MRPS5: variants seen among roughly 807,000 people sequenced by gnomAD.
MRPS5 encodes the protein small ribosomal subunit protein uS5m.
MRPS5 carries 27 observed loss-of-function variants against 51.9 expected under a neutral mutation model. The observed-to-expected ratio is 0.52, with a 90% CI of 0.38 to 0.72. The LOEUF is 0.72. Ranked by LOEUF, MRPS5 falls within the 30% of genes least tolerant of loss-of-function variation. MRPS5 has a pLI of 0.00. For missense variants in MRPS5, 570 were observed against 545.7 expected (o/e 1.04, Z -0.44); for synonymous variants, 196 against 193.2 (o/e 1.01, Z -0.12).
intron 2 of MRPS5, among the ~76,000 whole-genome samples, chr2:95,117,443 T>C (rs941967530): frequency 1.3e-5 from 2 of 150,950 alleles, no homozygotes; most frequent in African/African-American, 4.9e-5. Context: ...AACTTAATAA[T>C]AAAAACACTG....
At chr2:95,109,768 T>G in intron 4 of MRPS5, 148 bp downstream of exon 4, 33 of 846,690 alleles carry the variant, frequency 3.9e-5, no homozygotes, top group Non-Finnish European at 5.3e-5. Context: ...CCTGGGGCAA[T>G]GAGTAAGTCA....
rs191006805 is a variant in MRPS5, at chr2:95,110,729, G to T, written c.278-688C>A. Reference sequence around the variant, plus strand: ...AGGTGGGAGGGTCACTTGACCCCAGGAGTTTGAGATTACTATAATCATGCC... The same window carrying T: ...AGGTGGGAGGGTCACTTGACCCCAGTAGTTTGAGATTACTATAATCATGCC... On this transcript the variant is annotated intron_variant, in intron 3 of 11. Transcript: ENST00000272418. 2.9e-4 allele frequency among the ~76,000 whole-genome samples: 44 copies of T among 152,282 alleles called. 1 individual carries two copies. Among genetic ancestry groups the T allele is most frequent in the Admixed American group, 2.6e-3 (40 of 15,300 alleles).
intron 1 of MRPS5, among the ~76,000 whole-genome samples, chr2:95,119,601 G>C (rs1289188850): frequency 6.8e-6 from 1 of 147,110 alleles, no homozygotes; most frequent in African/African-American, 2.5e-5. Context: ...AATGGGACAA[G>C]ACCCTGTCTC....
At position 95,101,572 on chromosome 2, in the gene MRPS5, G is replaced by C. The variant is rs115521436; in HGVS notation, c.810+105C>G. 3.7e-3 allele frequency: 3,222 copies of C among 861,614 alleles called. 10 individuals carry two copies. Among genetic ancestry groups the C allele is most frequent in the Non-Finnish European group, 4.4e-3 (2,522 of 571,614 alleles). 53.4% of individuals were successfully genotyped at this position (861,614 alleles called of 1,614,324 possible). A position where few individuals can be genotyped will look rare whatever the true frequency, so the allele number is the denominator to read the frequency against. On this transcript the variant is annotated intron_variant, in intron 8 of 11. Transcript: ENST00000272418. ...TAACCCTTGACAGCAAGCCTCATGGGAAGGTTCTGGGACAAATTATTATTG... is the reference window on the plus strand; with the variant it reads ...TAACCCTTGACAGCAAGCCTCATGGCAAGGTTCTGGGACAAATTATTATTG...
intron 8 of MRPS5, 149 bp from the exon 9 acceptor site, chr2:95,101,043 T>G: frequency 1.6e-6 from 1 of 625,018 alleles, no homozygotes; most frequent in Non-Finnish European, 2.7e-6. Context: ...AGGACTTATT[T>G]TTTAAAACTC....
intron 3 of MRPS5, among the ~76,000 whole-genome samples, chr2:95,113,451 G>C (rs951052522): frequency 6.6e-6 from 1 of 152,046 alleles, no homozygotes; most frequent in African/African-American, 2.4e-5. Flanking sequence ...ATTCCAGCCT[G>C]GGCGACAAGA....
At chr2:95,105,625 C>G (rs1675928181) in intron 6 of MRPS5, among the ~76,000 whole-genome samples, 1 of 151,960 alleles carries the variant, frequency 6.6e-6, no homozygotes, top group Admixed American at 6.5e-5. Flanking sequence ...GCATAGCTGT[C>G]TCTTCCCCAT....
At chr2:95,117,383 G>A (rs575612617) in intron 2 of MRPS5, among the ~76,000 whole-genome samples, 1 of 151,490 alleles carries the variant, frequency 6.6e-6, no homozygotes, top group East Asian at 2.0e-4. Context: ...GTAGGAAAAA[G>A]AAAATGTAAT....
chr2:95,114,706 T>A (rs531209094), intron 3 of MRPS5, among the ~76,000 whole-genome samples: 20 of 152,296 alleles, frequency 1.3e-4, no homozygotes, highest in Admixed American at 5.9e-4. Context: ...GTGAACAATA[T>A]CTCCTTACAA....
intron 1 of MRPS5, among the ~76,000 whole-genome samples, chr2:95,118,282 A>T (rs532459614): frequency 6.6e-6 from 1 of 152,288 alleles, no homozygotes; most frequent in East Asian, 1.9e-4. Flanking sequence ...TCCCAATTTC[A>T]ATCTCTCCCC....
chr2:95,102,328 G>A (rs1435974975), intron 7 of MRPS5, among the ~76,000 whole-genome samples: 2 of 152,118 alleles, frequency 1.3e-5, no homozygotes, highest in African/African-American at 4.8e-5. Flanking sequence ...TGCTTTAAAT[G>A]AATTAGGCAA....
At chr2:95,120,039 G>A (rs746533812) in intron 1 of MRPS5, among the ~76,000 whole-genome samples, 1 of 152,200 alleles carries the variant, frequency 6.6e-6, no homozygotes, top group Non-Finnish European at 1.5e-5. Flanking sequence ...CTCCAGCCAG[G>A]GCGACAGAAG....
chr2:95,100,631 C>A, intron 9 of MRPS5, 95 bp from the exon 10 acceptor site: 1 of 1,003,598 alleles, frequency 1.0e-6, no homozygotes, highest in Admixed American at 2.2e-5. Flanking sequence ...GCCTCAACAG[C>A]CAGCACATAT....
At position 95,117,880 on chromosome 2, in the gene MRPS5, T is replaced by A; in HGVS notation, c.124A>T (p.Ser42Cys). The stretch of plus-strand genomic sequence containing the variant: ...TGAATCTCACCATTGCCGAGAACAC[T>A]CTTCCATGCCAAAATGGAAGCTGCT... ...LPAASILAWKSVLGNGHLSSL... is the reference protein window; with the variant it reads ...LPAASILAWKCVLGNGHLSSL... The change falls in exon 2 of 12, where the codon AGT becomes TGT. Residue 42 changes from serine (S) to cysteine (C), a missense_variant. Coordinates refer to ENST00000272418, the MANE Select transcript of MRPS5 (RefSeq NM_031902.5). The A allele has an allele frequency of 6.2e-7, 1 of 1,608,806 alleles. No individual in the cohort carries two copies. Among genetic ancestry groups the A allele is most frequent in the Non-Finnish European group, 8.5e-7 (1 of 1,178,704 alleles).
intron 3 of MRPS5, among the ~76,000 whole-genome samples, chr2:95,110,839 G>A (rs748534229): frequency 9.9e-5 from 15 of 151,906 alleles, no homozygotes; most frequent in Non-Finnish European, 1.5e-4. Context: ...ATAAAGAATC[G>A]GAACCACAAA....
chr2:95,104,621 G>A lies in MRPS5; in HGVS notation c.763+19C>T. On this transcript the variant is annotated intron_variant, in intron 7 of 11. Transcript: ENST00000272418. ...CCCTGCACACCACCGCCACTGTGAT[G>A]CCATCACTCCCCATTCACCTGCAGC... The A allele has an allele frequency of 3.1e-6, 5 of 1,612,566 alleles. No individual in the cohort carries two copies. The highest frequency in any genetic ancestry group is 4.2e-6 in the Non-Finnish European group (5 of 1,178,572).
At position 95,090,493 on chromosome 2, in the gene MRPS5, T is replaced by C. The variant is rs1469419868; in HGVS notation, c.961A>G (p.Ile321Val). ...ATGCCAATGAGCCGGCAGATGGTGA[T>C]GATGGCCCTGTGGCAGCGGAGGCCG... is the stretch of plus-strand genomic sequence containing the variant. Reference protein sequence around the residue: ...GYGLRCHRAIITICRLIGIKD... With the variant: ...GYGLRCHRAIVTICRLIGIKD... Residue 321 changes from isoleucine to valine, a missense_variant, in exon 11 of 12, where the codon ATC becomes GTC. Coordinates refer to ENST00000272418, the MANE Select transcript of MRPS5 (RefSeq NM_031902.5). The C allele has an allele frequency of 1.9e-6, 3 of 1,614,132 alleles. No homozygotes were observed. The highest frequency in any genetic ancestry group is 3.3e-5 in the Admixed American group (2 of 60,010).
At chr2:95,096,861 A>C (rs191340965) in intron 10 of MRPS5, among the ~76,000 whole-genome samples, 49 of 152,344 alleles carry the variant, frequency 3.2e-4, no homozygotes, top group African/African-American at 1.2e-3. Context: ...AGAGAAAGAA[A>C]TAAAGGGTAT....
In MRPS5 at chr2:95,086,156, G is replaced by A. The variant is rs1343599122; in HGVS notation, c.*1201C>T. 6.6e-6 allele frequency among the ~76,000 whole-genome samples: 1 copy of A among 152,134 alleles called. No individual in the cohort carries two copies. The highest frequency in any genetic ancestry group is 2.4e-5 in the African/African-American group (1 of 41,418). ...GCTGATCTCAAACTCCTGGGCTGAA[G>A]CAATCCTCCTGCCTCACCTTCACAA... On this transcript the variant is annotated 3_prime_UTR_variant, in exon 12 of 12. Transcript: ENST00000272418.
Sources: gnomAD v4.1 joint callset for allele counts (sites outside exome capture counted in the v4.1 genomes callset) on GRCh38, gnomAD v4.1.1 for gene constraint, MANE v1.5 for transcripts, NCBI Gene and HGNC (gene_info 2026-07-23, HGNC 2026-07-21) for gene names.